Variants in GABRB1 observed in about 807,000 individuals in gnomAD.
GABRB1 encodes gamma-aminobutyric acid type A receptor subunit beta1.
Under a neutral mutation model 51.6 loss-of-function variants are expected in GABRB1, and 17 were observed. The observed-to-expected ratio is 0.33, with a 90% CI of 0.23 to 0.49. The LOEUF (loss-of-function observed/expected upper bound fraction) is 0.49. GABRB1 is among the 20% of genes least tolerant of loss of function. The probability of loss-of-function intolerance (pLI) is 0.99; values close to 1 mark genes in which losing one functional copy is unlikely to be tolerated. For synonymous variants in GABRB1, 247 were observed against 218.9 expected, an observed-to-expected ratio of 1.13 and a Z score of -1.14; for missense variants, 410 against 600.6, an observed-to-expected ratio of 0.68 and a Z score of 3.32.
chr4:47,150,369 T>TAC (rs34368149), intron 3 of GABRB1, among the ~76,000 whole-genome samples: 2 of 148,470 alleles, frequency 1.3e-5, no homozygotes, highest in East Asian at 4.1e-4. Flanking sequence ...CACACGCACA[T>TAC]ACACACACAC....
At chr4:47,226,696 AG>A (rs2109830590) in intron 4 of GABRB1, among the ~76,000 whole-genome samples, 1 of 152,300 alleles carries the variant, frequency 6.6e-6, no homozygotes, top group South Asian at 2.1e-4. Flanking sequence ...ATAGGGCAAA[AG>A]AAAACCTATA....
chr4:47,090,954 T>C (rs1466586225), intron 3 of GABRB1, among the ~76,000 whole-genome samples: 1 of 152,236 alleles, frequency 6.6e-6, no homozygotes, highest in Non-Finnish European at 1.5e-5. Flanking sequence ...ACACTTCTTA[T>C]ACTCTGGTGT....
intron 5 of GABRB1, among the ~76,000 whole-genome samples, chr4:47,384,807 T>A (rs1727730357): frequency 6.6e-6 from 1 of 152,238 alleles, no homozygotes; most frequent in East Asian, 1.9e-4. Context: ...TAAGTGCCTG[T>A]CAAAATCAGA....
intron 4 of GABRB1, among the ~76,000 whole-genome samples, chr4:47,169,798 G>T (rs1361855997): frequency 6.6e-6 from 1 of 152,016 alleles, no homozygotes; most frequent in African/African-American, 2.4e-5. Flanking sequence ...CACCGTGCCC[G>T]GCCTTGAAAG....
At chr4:47,183,938 G>A (rs996514409) in intron 4 of GABRB1, among the ~76,000 whole-genome samples, 2 of 151,842 alleles carry the variant, frequency 1.3e-5, no homozygotes, top group East Asian at 1.9e-4. Context: ...TCTTCACTCA[G>A]TTAGTCTCCC....
intron 5 of GABRB1, among the ~76,000 whole-genome samples, chr4:47,379,899 C>A (rs986361648): frequency 6.6e-6 from 1 of 152,144 alleles, no homozygotes; most frequent in South Asian, 2.1e-4. Flanking sequence ...AGCCTCAGTT[C>A]CCTAATCACT....
chr4:47,309,224 T>C (rs773655748), intron 4 of GABRB1, among the ~76,000 whole-genome samples: 2 of 151,864 alleles, frequency 1.3e-5, no homozygotes, highest in Non-Finnish European at 2.9e-5. Flanking sequence ...CATGAGCCTG[T>C]TAATTACTAT....
At chr4:47,401,821 TAGCTATCTATCTATCTATC>T (rs199807562) in intron 5 of GABRB1, among the ~76,000 whole-genome samples, 7,585 of 50,586 alleles carry the variant, frequency 0.15, 363 homozygotes, top group African/African-American at 0.4. Flanking sequence ...TCTATCTATC[TAGCTATCTATCTATCTATC>T]ATCTATCTAT....
At chr4:47,060,868 T>C (rs911206386) in intron 3 of GABRB1, among the ~76,000 whole-genome samples, 17 of 152,198 alleles carry the variant, frequency 1.1e-4, no homozygotes, top group African/African-American at 2.4e-5. Context: ...TTATTCATAA[T>C]TGGTTGGATA....
At chr4:47,118,786 G>C (rs1455602871) in intron 3 of GABRB1, among the ~76,000 whole-genome samples, 1 of 152,084 alleles carries the variant, frequency 6.6e-6, no homozygotes, top group Non-Finnish European at 1.5e-5. Context: ...CAGAGTCTGT[G>C]CCAAGAAACT....
intron 8 of GABRB1, among the ~76,000 whole-genome samples, chr4:47,409,213 A>G: frequency 6.6e-6 from 1 of 152,160 alleles, no homozygotes; most frequent in Non-Finnish European, 1.5e-5. Context: ...GTGCTCCTTT[A>G]GCTCTGCCAT....
intron 4 of GABRB1, among the ~76,000 whole-genome samples, chr4:47,271,746 A>G (rs966986978): frequency 2.6e-5 from 4 of 152,190 alleles, no homozygotes; most frequent in Non-Finnish European, 5.9e-5. Flanking sequence ...GGTTCACCTC[A>G]GATGCAAGCA....
At chr4:47,033,890 A>T (rs886617551) in intron 3 of GABRB1, among the ~76,000 whole-genome samples, 2 of 152,204 alleles carry the variant, frequency 1.3e-5, no homozygotes, top group Admixed American at 1.3e-4. Flanking sequence ...AATATTTCTC[A>T]TTTGGCAAAC....
At chr4:47,006,819 G>C (rs77593812) in intron 1 of GABRB1, among the ~76,000 whole-genome samples, 1 of 152,126 alleles carries the variant, frequency 6.6e-6, no homozygotes, top group South Asian at 2.1e-4. Flanking sequence ...GATAAAGATT[G>C]CCACACTGAA....
At chr4:47,160,770 T>A (rs1717910923) in intron 3 of GABRB1, among the ~76,000 whole-genome samples, 1 of 151,102 alleles carries the variant, frequency 6.6e-6, no homozygotes, top group Non-Finnish European at 1.5e-5. Flanking sequence ...ATTTATTTAT[T>A]TATTTATTTA....
chr4:46,998,701 T>G (rs1275067849), intron 1 of GABRB1, among the ~76,000 whole-genome samples: 1 of 136,322 alleles, frequency 7.3e-6, no homozygotes. Context: ...GCCACTGCAC[T>G]GCAGCCTGGG....
chr4:47,409,707 C>T (rs1728700192), intron 8 of GABRB1, among the ~76,000 whole-genome samples: 1 of 152,204 alleles, frequency 6.6e-6, no homozygotes, highest in Admixed American at 6.5e-5. Context: ...GGGAACTACC[C>T]CCTTCTTTCC....
chr4:47,246,372 A>T (rs78811388), intron 4 of GABRB1, among the ~76,000 whole-genome samples: 2 of 50,122 alleles, frequency 4.0e-5, no homozygotes, highest in Non-Finnish European at 7.3e-5. Context: ...ATATATATAT[A>T]TATATATATA....
At chr4:47,252,409 A>G (rs889550613) in intron 4 of GABRB1, among the ~76,000 whole-genome samples, 2 of 151,068 alleles carry the variant, frequency 1.3e-5, no homozygotes, top group Admixed American at 6.6e-5. Context: ...CTTCCTTCAG[A>G]GGGTCTGTGG....
Sources: allele counts gnomAD v4.1 joint callset (sites outside exome capture counted in the v4.1 genomes callset), GRCh38; gene constraint gnomAD v4.1.1; transcripts MANE v1.5; gene names NCBI Gene and HGNC (gene_info 2026-07-23, HGNC 2026-07-21).